Variants in TSHZ2 observed in about 807,000 individuals in gnomAD.
The protein encoded by TSHZ2 is teashirt zinc finger homeobox 2, also known as teashirt homolog 2.
Under a neutral mutation model 74.4 loss-of-function variants are expected in TSHZ2, and 21 were observed. That is an observed-to-expected ratio of 0.28 (90% CI 0.20 to 0.41). The LOEUF (loss-of-function observed/expected upper bound fraction) is 0.41. Ranked by LOEUF, TSHZ2 falls within the 10% of genes least tolerant of loss-of-function variation. The probability of loss-of-function intolerance (pLI) is 1.00; values close to 1 mark genes in which losing one functional copy is unlikely to be tolerated. For missense variants in TSHZ2, 1,244 were observed against 1,293.5 expected (o/e 0.96, Z 0.59); for synonymous variants, 540 against 515.3 (o/e 1.05, Z -0.65).
intron 1 of TSHZ2, among the ~76,000 whole-genome samples, chr20:53,203,191 A>ATTTTT (rs34078708): frequency 7.7e-6 from 1 of 130,542 alleles, no homozygotes; most frequent in Non-Finnish European, 1.6e-5. Context: ...GCAGACTCAA[A>ATTTTT]TTTTTTTTTT....
intron 1 of TSHZ2, among the ~76,000 whole-genome samples, chr20:52,983,368 C>T (rs975690493): frequency 3.9e-5 from 6 of 152,152 alleles, no homozygotes; most frequent in African/African-American, 1.4e-4. Context: ...GTTTTTTATT[C>T]TTGCACTTAA....
At chr20:53,228,117 C>CAT (rs1167150089) in intron 1 of TSHZ2, among the ~76,000 whole-genome samples, 1 of 146,948 alleles carries the variant, frequency 6.8e-6, no homozygotes, top group African/African-American at 2.5e-5. Flanking sequence ...CACACACACA[C>CAT]ACACACACAC....
At chr20:53,052,329 G>A (rs968133916) in intron 1 of TSHZ2, among the ~76,000 whole-genome samples, 8 of 152,172 alleles carry the variant, frequency 5.3e-5, no homozygotes, top group African/African-American at 1.9e-4. Flanking sequence ...TAGGAGCCAG[G>A]CTCCACAGCA....
chr20:53,345,281 G>A (rs965435600), intron 2 of TSHZ2, among the ~76,000 whole-genome samples: 1 of 152,082 alleles, frequency 6.6e-6, no homozygotes, highest in Admixed American at 6.5e-5. Context: ...ACTAGGCACA[G>A]AAAATTCTCT....
At chr20:53,245,073 G>C (rs1990170185) in intron 1 of TSHZ2, among the ~76,000 whole-genome samples, 1 of 152,188 alleles carries the variant, frequency 6.6e-6, no homozygotes, top group Admixed American at 6.5e-5. Context: ...ATGTACAGTG[G>C]TTGGAAAGTG....
At chr20:53,038,549 C>G (rs1189586608) in intron 1 of TSHZ2, among the ~76,000 whole-genome samples, 1 of 152,156 alleles carries the variant, frequency 6.6e-6, no homozygotes. Flanking sequence ...ATAATGGCTG[C>G]CTTTTCTTAG....
intron 2 of TSHZ2, among the ~76,000 whole-genome samples, chr20:53,291,817 ATCAAAGCCCTACGTTGGTACAT>A (rs1466949761): frequency 6.6e-6 from 1 of 152,218 alleles, no homozygotes; most frequent in Non-Finnish European, 1.5e-5. Context: ...ACTCTTCTGA[ATCAAAGCCCTACGTTGGTACAT>A]TTGGTACATC....
At chr20:53,127,740 A>G (rs1986988290) in intron 1 of TSHZ2, among the ~76,000 whole-genome samples, 1 of 152,210 alleles carries the variant, frequency 6.6e-6, no homozygotes, top group Non-Finnish European at 1.5e-5. Context: ...ACTGTGAGGC[A>G]GAGTATTTAT....
At chr20:53,290,806 C>G (rs1042976355) in intron 2 of TSHZ2, among the ~76,000 whole-genome samples, 1 of 152,222 alleles carries the variant, frequency 6.6e-6, no homozygotes, top group African/African-American at 2.4e-5. Context: ...CAACTATAAT[C>G]TCCAAAGTGC....
At chr20:53,137,840 C>T (rs988199896) in intron 1 of TSHZ2, among the ~76,000 whole-genome samples, 1 of 152,078 alleles carries the variant, frequency 6.6e-6, no homozygotes, top group African/African-American at 2.4e-5. Flanking sequence ...ACAAGTGTAG[C>T]GGATAAGATG....
intron 1 of TSHZ2, among the ~76,000 whole-genome samples, chr20:53,133,349 C>T (rs1568775330): frequency 6.6e-6 from 1 of 152,216 alleles, no homozygotes; most frequent in Non-Finnish European, 1.5e-5. Flanking sequence ...CTCAGCAGTA[C>T]ATGACAGACA....
intron 2 of TSHZ2, among the ~76,000 whole-genome samples, chr20:53,455,105 CT>C: frequency 6.6e-6 from 1 of 151,740 alleles, no homozygotes; most frequent in African/African-American, 2.4e-5. Flanking sequence ...TGATTAAAGC[CT>C]TTTTCTCTGG....
At chr20:53,302,010 T>A (rs2145482600) in intron 2 of TSHZ2, among the ~76,000 whole-genome samples, 1 of 151,612 alleles carries the variant, frequency 6.6e-6, no homozygotes, top group South Asian at 2.1e-4. Flanking sequence ...CCGCGGGGAG[T>A]GGTTACCATA....
At chr20:53,284,044 G>A (rs1219776767) in intron 2 of TSHZ2, among the ~76,000 whole-genome samples, 1 of 152,204 alleles carries the variant, frequency 6.6e-6, no homozygotes, top group African/African-American at 2.4e-5. Context: ...AATTCCCAGG[G>A]CTCTTTGTCA....
At chr20:53,351,937 T>G (rs1307381040) in intron 2 of TSHZ2, among the ~76,000 whole-genome samples, 1 of 152,208 alleles carries the variant, frequency 6.6e-6, no homozygotes, top group Non-Finnish European at 1.5e-5. Context: ...AGTCACTCCC[T>G]AAATTTATGG....
intron 2 of TSHZ2, among the ~76,000 whole-genome samples, chr20:53,274,155 A>C (rs1311049752): frequency 6.6e-6 from 1 of 152,180 alleles, no homozygotes; most frequent in Admixed American, 6.5e-5. Flanking sequence ...CTGTAATCCC[A>C]GCTACTCAGG....
intron 1 of TSHZ2, among the ~76,000 whole-genome samples, chr20:53,179,822 C>CT (rs1568797650): frequency 6.6e-6 from 1 of 152,152 alleles, no homozygotes; most frequent in Non-Finnish European, 1.5e-5. Flanking sequence ...TAAATGCCAG[C>CT]TTTTTTATCG....
At chr20:53,197,863 A>G (rs1002727383) in intron 1 of TSHZ2, among the ~76,000 whole-genome samples, 4 of 152,198 alleles carry the variant, frequency 2.6e-5, no homozygotes, top group Admixed American at 6.5e-5. Flanking sequence ...CTCAACTCAA[A>G]GGAAAAACAA....
intron 1 of TSHZ2, among the ~76,000 whole-genome samples, chr20:53,013,380 G>T (rs888894345): frequency 2.0e-5 from 3 of 151,932 alleles, no homozygotes; most frequent in Non-Finnish European, 4.4e-5. Context: ...TACAAATACA[G>T]CCAGCTTTAT....
Sources: gnomAD v4.1 joint callset for allele counts (sites outside exome capture counted in the v4.1 genomes callset) on GRCh38, gnomAD v4.1.1 for gene constraint, MANE v1.5 for transcripts, NCBI Gene and HGNC (gene_info 2026-07-23, HGNC 2026-07-21) for gene names.